Variants in MED16 observed in about 807,000 individuals in gnomAD.
The protein encoded by MED16 is mediator of RNA polymerase II transcription subunit 16.
Under a neutral mutation model 84.4 loss-of-function variants are expected in MED16, and 81 were observed. That is an observed-to-expected ratio of 0.96 (90% CI 0.80 to 1.15). The LOEUF (loss-of-function observed/expected upper bound fraction) is 1.15, where lower values mean the gene tolerates loss of function less well. Ranked by LOEUF, MED16 falls within the 50% of genes most tolerant of loss-of-function variation. The pLI is 0.00. For missense variants in MED16, 1,585 were observed against 1,245.9 expected (o/e 1.27, Z -4.10); for synonymous variants, 897 against 552.2 (o/e 1.62, Z -8.76).
intron 4 of MED16, among the ~76,000 whole-genome samples, chr19:887,908 G>C (rs1272941592): frequency 2.0e-5 from 3 of 151,592 alleles, no homozygotes; most frequent in African/African-American, 7.3e-5. Context: ...TTCGGGTGAT[G>C]AGAAGGGACT....
chr19:879,437 C>T (rs2036358818), intron 8 of MED16, among the ~76,000 whole-genome samples: 1 of 68,176 alleles, frequency 1.5e-5, no homozygotes, highest in African/African-American at 5.4e-5. Flanking sequence ...ACCCCAGCCC[C>T]ACGTGCCCCA....
intron 11 of MED16, among the ~76,000 whole-genome samples, chr19:872,332 G>T (rs1031637836): frequency 2.0e-5 from 3 of 152,016 alleles, no homozygotes; most frequent in Non-Finnish European, 4.4e-5. Flanking sequence ...CCCATTTGCA[G>T]AGTCGTCCCA....
Position 876,909 on chromosome 19 carries a change from A to ATGGGG in MED16, c.1560+64_1560+65insCCCCA, listed in dbSNP as rs1568324617. ...CACCTGCCACGGGGCCCCACCTGCC[A>ATGGGG]CGGGGCCCCCACCTGCCACAGGGCC... On this transcript the variant is annotated intron_variant, in intron 9 of 15. Transcript: ENST00000325464. The ATGGGG allele has an allele frequency of 2.7e-4, 402 of 1,500,850 alleles. 2 individuals carry two copies. Among genetic ancestry groups the ATGGGG allele is most frequent in the Middle Eastern group, 2.2e-3 (9 of 4,106 alleles). 93.0% of individuals were successfully genotyped at this position (1,500,850 alleles called of 1,614,324 possible).
intron 12 of MED16, 65 bp from the exon 13 acceptor site, chr19:871,318 G>A (rs1013033319): frequency 3.8e-5 from 55 of 1,459,864 alleles, no homozygotes; most frequent in Middle Eastern, 1.9e-4. Flanking sequence ...CACCCGGGAC[G>A]TGCTGGGAGC....
chr19:868,879 A>G lies in MED16; in HGVS notation c.2383T>C (p.Cys795Arg), dbSNP rs2035979346. The G allele has an allele frequency of 6.4e-7, 1 of 1,551,192 alleles. No homozygotes were observed. Among genetic ancestry groups the G allele is most frequent in the Non-Finnish European group, 8.7e-7 (1 of 1,150,610 alleles). Reference protein sequence around the residue: ...LHLGACPTEECKACTRCGCVT... With the variant: ...LHLGACPTEERKACTRCGCVT... ...GCCCCTCACCTGGTGCAGGCCTTGC[A>G]TTCCTCCGTGGGGCAAGCGCCAAGG... The change falls in exon 14 of 16, where the codon TGC becomes CGC. Residue 795 changes from cysteine (C) to arginine (R), a missense_variant. Cys to Arg is a radical substitution (Grantham distance 180). Transcript: ENST00000325464.
intron 12 of MED16, 200 bp downstream of exon 12, chr19:871,726 G>A (rs905733971): frequency 4.7e-5 from 51 of 1,092,046 alleles, no homozygotes; most frequent in East Asian, 3.0e-4. Flanking sequence ...GTTCTGGCGG[G>A]GGGCTCAGGC....
intron 10 of MED16, among the ~76,000 whole-genome samples, chr19:874,732 G>C (rs1408106580): frequency 6.6e-6 from 1 of 152,026 alleles, no homozygotes; most frequent in Non-Finnish European, 1.5e-5. Flanking sequence ...TAAAAACCGG[G>C]TGTGGTGGCA....
intron 5 of MED16, 146 bp downstream of exon 5, chr19:885,624 T>TC: frequency 1.0e-6 from 1 of 959,290 alleles, no homozygotes; most frequent in East Asian, 2.7e-5. Context: ...AAATGGGTTC[T>TC]CCCCTGGAGC....
In MED16 at chr19:880,063, C is replaced by A. The variant is rs762043487; in HGVS notation, c.1227G>T (p.Ala409=). Residue 409 remains alanine, a synonymous_variant, in exon 8 of 16, where the codon GCG becomes GCT. Transcript: ENST00000325464. ...LQTMAVFYSS[A]APRPVDEPAM... ...CCGGCTCATCCACAGGCCTCGGGGCCGCGGAGCTGTAGAAGACGGCCATGG... is the reference window on the plus strand; with the variant it reads ...CCGGCTCATCCACAGGCCTCGGGGCAGCGGAGCTGTAGAAGACGGCCATGG... 15 of 1,611,096 alleles carry A rather than the reference C, an allele frequency of 9.3e-6. No homozygotes were observed. The highest frequency in any genetic ancestry group is 1.2e-5 in the Non-Finnish European group (14 of 1,179,388).
In MED16 at chr19:885,946, T is replaced by C. The variant is rs1434691501; in HGVS notation, c.703A>G (p.Ser235Gly). The C allele has an allele frequency of 6.2e-7, 1 of 1,612,624 alleles. No homozygotes were observed. The highest frequency in any genetic ancestry group is 2.2e-5 in the East Asian group (1 of 44,868). ...TTGTAGAACTGCACGGGCGACGCGC[T>C]GCTGCCGTCCGCCGTGGCCACCACG... ...NIVVATADGSSASPVQFYKVC... is the reference protein window; with the variant it reads ...NIVVATADGSGASPVQFYKVC... The change falls in exon 5 of 16, where the codon AGC becomes GGC. Residue 235 changes from serine to glycine, a missense_variant. Physicochemically the swap from Ser to Gly is moderately conservative, Grantham distance 56 (BLOSUM62 0). Coordinates refer to ENST00000325464, the MANE Select transcript of MED16 (RefSeq NM_005481.3).
chr19:886,210 A>AAGGGAGGG lies in MED16; in HGVS notation c.448-17_448-10dup, dbSNP rs149302926. The AAGGGAGGG allele has an allele frequency of 1.3e-6, 2 of 1,497,996 alleles. No homozygotes were observed. Among genetic ancestry groups the AAGGGAGGG allele is most frequent in the African/African-American group, 2.8e-5 (2 of 71,296 alleles). The allele number at this position is 1,497,996 out of a possible 1,614,324, so 92.8% of individuals were successfully genotyped here. On this transcript the variant is annotated splice_polypyrimidine_tract_variant and intron_variant, in intron 4 of 15. Transcript: ENST00000325464. ...AAGCTGGAGGCGCCCGACTGTGGAG[A>AAGGGAGGG]AGGGAGGGAGGGAGGAGGGGCCGCT... is the stretch of plus-strand genomic sequence containing the variant.
At chr19:891,234 T>C (rs1222626709) in intron 1 of MED16, 85 bp from the exon 2 acceptor site, 39 of 1,319,830 alleles carry the variant, frequency 3.0e-5, no homozygotes, top group African/African-American at 4.4e-5. Context: ...GGGAAAACAA[T>C]GGAGGCCCGT....
chr19:881,424 C>T, intron 7 of MED16, 135 bp downstream of exon 7: 1 of 1,024,282 alleles, frequency 9.8e-7, no homozygotes, highest in South Asian at 2.0e-5. Flanking sequence ...AGGCTGAGCT[C>T]CTACAGCCCC....
Position 891,063 on chromosome 19 carries a change from T to C in MED16, c.69A>G (p.Lys23=), listed in dbSNP as rs1168579774. 9 of 1,614,064 alleles carry C rather than the reference T, an allele frequency of 5.6e-6. No homozygotes were observed. The highest frequency in any genetic ancestry group is 7.6e-6 in the Non-Finnish European group (9 of 1,179,998). Residue 23 remains lysine (K), a synonymous_variant, in exon 2 of 16, where the codon AAA becomes AAG. Coordinates refer to ENST00000325464, the MANE Select transcript of MED16 (RefSeq NM_005481.3). ...ATGGGCAGTGGGTGCTCTTGGACCATTTCTCCCACTCACAGACGTAGGCCA... is the reference window on the plus strand; with the variant it reads ...ATGGGCAGTGGGTGCTCTTGGACCACTTCTCCCACTCACAGACGTAGGCCA... ...MDLAYVCEWE[K]WSKSTHCPSV... is the part of the protein sequence containing the mutation.
At chr19:890,428 G>A (rs1237408437) in intron 2 of MED16, 184 bp from the exon 3 acceptor site, 1 of 505,758 alleles carries the variant, frequency 2.0e-6, no homozygotes, top group South Asian at 3.2e-5. Context: ...GCAGGCCTGT[G>A]AGGCGCCACA....
rs541220728 is a variant in MED16, at chr19:880,512, T to G, written c.1142-364A>C. Among the ~76,000 whole-genome samples the G allele has an allele frequency of 6.0e-5, 9 of 151,156 alleles. No homozygotes were observed. The South Asian group carries it at 1.9e-3, about 32-fold the overall frequency. On this transcript the variant is annotated intron_variant, in intron 7 of 15. Coordinates refer to ENST00000325464, the MANE Select transcript of MED16 (RefSeq NM_005481.3). Reference sequence around the variant, plus strand: ...CCCAAAGAGAGGCATCTTAGGGTGGTGGGCTGGGGCTGTCACTCACACTGG... The same window carrying G: ...CCCAAAGAGAGGCATCTTAGGGTGGGGGGCTGGGGCTGTCACTCACACTGG...
Position 880,020 on chromosome 19 carries a change from T to C in MED16, c.1270A>G (p.Thr424Ala), listed in dbSNP as rs951047355. The change falls in exon 8 of 16, where the codon ACC becomes GCC. Residue 424 changes from threonine to alanine, a missense_variant. Physicochemically the swap from Thr to Ala is moderately conservative, Grantham distance 58. Transcript: ENST00000325464. ...TTTAAGTGGACGGCGGGGCCCGCGG[T>C]GCGGGGGCGCTTCATGGCCGGCTCA... ...VDEPAMKRPR[T>A]AGPAVHLKAM... 1 of 1,610,568 alleles carries C rather than the reference T, an allele frequency of 6.2e-7. No individual in the cohort carries two copies. Among genetic ancestry groups the C allele is most frequent in the South Asian group, 1.1e-5 (1 of 90,810 alleles).
At chr19:890,311 G>C in intron 2 of MED16, 67 bp from the exon 3 acceptor site, 1 of 1,168,818 alleles carries the variant, frequency 8.6e-7, no homozygotes, top group Non-Finnish European at 1.2e-6. Flanking sequence ...GATGACTCCA[G>C]GCAGGCTCCA....
chr19:875,102 T>C (rs574292849), intron 10 of MED16, 142 bp downstream of exon 10: 28 of 516,584 alleles, frequency 5.4e-5, no homozygotes, highest in African/African-American at 5.4e-4. Flanking sequence ...AGGCGGAGGC[T>C]GCAGTGAGCT....
Sources: gnomAD v4.1 joint callset for allele counts (sites outside exome capture counted in the v4.1 genomes callset) on GRCh38, gnomAD v4.1.1 for gene constraint, MANE v1.5 for transcripts, NCBI Gene and HGNC (gene_info 2026-07-23, HGNC 2026-07-21) for gene names.